SOAT1: variants seen among roughly 807,000 people sequenced by gnomAD.
SOAT1 encodes sterol O-acyltransferase 1.
Under a neutral mutation model 69.5 loss-of-function variants are expected in SOAT1, and 55 were observed. The observed-to-expected ratio is 0.79, with a 90% CI of 0.64 to 0.99. The LOEUF (loss-of-function observed/expected upper bound fraction) is 0.99, where lower values mean the gene tolerates loss of function less well. Among genes scored for constraint, SOAT1 ranks in the 50% least tolerant of loss-of-function variants. The pLI is 0.00. For synonymous variants in SOAT1, 231 were observed against 224.7 expected, an observed-to-expected ratio of 1.03 and a Z score of -0.25; for missense variants, 580 against 669.3, an observed-to-expected ratio of 0.87 and a Z score of 1.47.
chr1:179,323,427 C>A lies in SOAT1; in HGVS notation c.119-10C>A. 6.2e-7 allele frequency: 1 copy of A among 1,611,050 alleles called. No homozygotes were observed. The highest frequency in any genetic ancestry group is 1.1e-5 in the South Asian group (1 of 90,516). On this transcript the variant is annotated splice_polypyrimidine_tract_variant and intron_variant, in intron 2 of 15. Transcript: ENST00000367619. Reference sequence around the variant, plus strand: ...ATCAACTTAAAAGTCATGTTTTTTTCTTCCCGTAGGTCGAATTGACATAAA... The same window carrying A: ...ATCAACTTAAAAGTCATGTTTTTTTATTCCCGTAGGTCGAATTGACATAAA...
rs559037018 is a variant in SOAT1 at position 179,342,494 on chromosome 1, C to T, written c.859+302C>T. Among the ~76,000 whole-genome samples, 15 of 152,174 alleles carry T rather than the reference C, an allele frequency of 9.9e-5. No individual in the cohort carries two copies. The South Asian group carries it at 2.7e-3, about 27-fold the overall frequency. ...TCCATATTGATTTTGAGGACCACTT[C>T]ATTGTTTCCTGACTATTCCGGCTTT... is the stretch of plus-strand genomic sequence containing the variant. On this transcript the variant is annotated intron_variant, in intron 8 of 15. Transcript: ENST00000367619.
chr1:179,334,355 TACTA>T (rs1206865854), intron 3 of SOAT1, among the ~76,000 whole-genome samples: 1 of 152,202 alleles, frequency 6.6e-6, no homozygotes, highest in African/African-American at 2.4e-5. Flanking sequence ...GAAGTGTAAT[TACTA>T]ACTGTCATTT....
intron 11 of SOAT1, among the ~76,000 whole-genome samples, chr1:179,347,098 C>T (rs896594779): frequency 2.0e-5 from 3 of 152,136 alleles, no homozygotes; most frequent in African/African-American, 7.2e-5. Flanking sequence ...ATGGCTCACG[C>T]CTGTAATCCT....
chr1:179,339,454 G>A lies in SOAT1; in HGVS notation c.406G>A (p.Asp136Asn). Residue 136 changes from aspartate to asparagine, a missense_variant, in exon 6 of 16, where the codon GAC becomes AAC. Physicochemically the swap from Asp to Asn is conservative, Grantham distance 23. Transcript: ENST00000367619. ...RSLLDELLEV[D>N]HIRTIYHMFI... ...CATTTACAGTGAACTGCTTGAAGTG[G>A]ACCACATCAGAACAATATATCACAT... 4 of 1,607,614 alleles carry A rather than the reference G, an allele frequency of 2.5e-6. No individual in the cohort carries two copies. The highest frequency in any genetic ancestry group is 1.7e-6 in the Non-Finnish European group (2 of 1,177,334).
chr1:179,330,292 G>C (rs1258788365), intron 3 of SOAT1, among the ~76,000 whole-genome samples: 2 of 152,158 alleles, frequency 1.3e-5, no homozygotes. Context: ...CACAGGACCA[G>C]TCATGGGTTT....
intron 2 of SOAT1, among the ~76,000 whole-genome samples, chr1:179,305,961 T>C (rs1664988273): frequency 6.6e-6 from 1 of 152,202 alleles, no homozygotes; most frequent in Admixed American, 6.5e-5. Context: ...GGGGAGCCCT[T>C]GCTTTAGAAT....
chr1:179,315,370 G>A lies in SOAT1; in HGVS notation c.119-8067G>A, dbSNP rs1163692021. Among the ~76,000 whole-genome samples the A allele has an allele frequency of 4.6e-5, 7 of 151,962 alleles. 1 individual carries two copies. Among genetic ancestry groups the A allele is most frequent in the South Asian group, 2.1e-4 (1 of 4,816 alleles). On this transcript the variant is annotated intron_variant, in intron 2 of 15. Coordinates refer to ENST00000367619, the MANE Select transcript of SOAT1 (RefSeq NM_003101.6). Reference sequence around the variant, plus strand: ...TCCTAGGTACTTGGGAGGCTGAGGCGGGAGGATCCCTTGAGCCTAGGAGTT... The same window carrying A: ...TCCTAGGTACTTGGGAGGCTGAGGCAGGAGGATCCCTTGAGCCTAGGAGTT...
chr1:179,324,608 T>A (rs1665714972), intron 3 of SOAT1, among the ~76,000 whole-genome samples: 1 of 152,228 alleles, frequency 6.6e-6, no homozygotes, highest in Non-Finnish European at 1.5e-5. Context: ...CCTGATTCCA[T>A]TAAGTTACCT....
chr1:179,302,535 TG>T (rs1664868158), intron 1 of SOAT1, 141 bp from the exon 2 acceptor site: 1 of 487,106 alleles, frequency 2.1e-6, no homozygotes, highest in Non-Finnish European at 3.6e-6. Context: ...CTGCCATGAT[TG>T]TAAGTTTCCT....
At chr1:179,342,262 C>T in intron 8 of SOAT1, 70 bp downstream of exon 8, 1 of 892,136 alleles carries the variant, frequency 1.1e-6, no homozygotes, top group Non-Finnish European at 1.7e-6. Context: ...ATTCCCTTCC[C>T]TTCCCTTCCC....
intron 3 of SOAT1, 86 bp downstream of exon 3, chr1:179,323,581 G>C: frequency 6.5e-6 from 7 of 1,083,902 alleles, no homozygotes; most frequent in Non-Finnish European, 9.7e-6. Context: ...AAATTGCTCA[G>C]ATAATTATTT....
chr1:179,348,535 G>A (rs1366159853), intron 12 of SOAT1, among the ~76,000 whole-genome samples: 1 of 152,066 alleles, frequency 6.6e-6, no homozygotes, highest in Non-Finnish European at 1.5e-5. Context: ...ACTGATTGCT[G>A]TTTAGATGAA....
At chr1:179,312,524 G>A (rs1046205487) in intron 2 of SOAT1, among the ~76,000 whole-genome samples, 7 of 152,284 alleles carry the variant, frequency 4.6e-5, no homozygotes, top group Admixed American at 2.0e-4. Flanking sequence ...TAGATTACAA[G>A]TTATGCTGGC....
intron 1 of SOAT1, 70 bp from the exon 2 acceptor site, chr1:179,302,607 C>T: frequency 2.4e-6 from 2 of 835,838 alleles, no homozygotes; most frequent in South Asian, 2.6e-5. Context: ...TATAAATTAC[C>T]CAGTCTCAGG....
intron 7 of SOAT1, 112 bp from the exon 8 acceptor site, chr1:179,342,002 C>T (rs1349134660): frequency 1.4e-6 from 2 of 1,410,832 alleles, no homozygotes; most frequent in African/African-American, 2.9e-5. Flanking sequence ...TGTTTATACA[C>T]TTATCAGGAT....
Position 179,353,865 on chromosome 1 carries a change from G to A in SOAT1, c.*224G>A. On this transcript the variant is annotated 3_prime_UTR_variant, in exon 16 of 16. Coordinates refer to ENST00000367619, the MANE Select transcript of SOAT1 (RefSeq NM_003101.6). ...GAACTTTTTTTGTGGGGCTGGGTGGGGGGAGAAGACCGACTAACAGCTGAA... is the reference window on the plus strand; with the variant it reads ...GAACTTTTTTTGTGGGGCTGGGTGGAGGGAGAAGACCGACTAACAGCTGAA... 1.9e-6 allele frequency: 1 copy of A among 516,514 alleles called. No individual in the cohort carries two copies. Among genetic ancestry groups the A allele is most frequent in the East Asian group, 3.5e-5 (1 of 28,634 alleles). 32.0% of individuals were successfully genotyped at this position (516,514 alleles called of 1,614,324 possible).
At chr1:179,328,759 T>C (rs538958790) in intron 3 of SOAT1, among the ~76,000 whole-genome samples, 1 of 152,246 alleles carries the variant, frequency 6.6e-6, no homozygotes, top group East Asian at 1.9e-4. Flanking sequence ...AAATACATTT[T>C]TGGGCCAGGC....
intron 15 of SOAT1, among the ~76,000 whole-genome samples, chr1:179,353,211 A>ATATAAATATAAATATATATATAAATT (rs1666797236): frequency 1.5e-5 from 1 of 64,522 alleles, no homozygotes; most frequent in Non-Finnish European, 3.2e-5. Context: ...ATATATAAAT[A>ATATAAATATAAATATATATATAAATT]TATATATATA....
chr1:179,331,566 C>G (rs999063398), intron 3 of SOAT1, among the ~76,000 whole-genome samples: 1 of 152,014 alleles, frequency 6.6e-6, no homozygotes, highest in African/African-American at 2.4e-5. Context: ...TGTGAAACCC[C>G]GTCTCTACTA....
Sources: allele counts gnomAD v4.1 joint callset (sites outside exome capture counted in the v4.1 genomes callset), GRCh38; gene constraint gnomAD v4.1.1; transcripts MANE v1.5; gene names NCBI Gene and HGNC (gene_info 2026-07-23, HGNC 2026-07-21).